The following DPYD variants were observed in gnomAD, a reference collection of about 807,000 sequenced individuals.
DPYD encodes dihydropyrimidine dehydrogenase, also known as dihydropyrimidine dehydrogenase [NADP(+)].
In DPYD, 109 loss-of-function variants were observed where a neutral mutation model predicts 116.2. The ratio of observed to expected loss-of-function variants is 0.94; its 90% CI spans 0.80 to 1.10. The LOEUF is 1.10. Among genes scored for constraint, DPYD ranks in the 50% least tolerant of loss-of-function variants. DPYD has a pLI of 0.00. For missense variants in DPYD, 1,302 were observed against 1,254.5 expected (o/e 1.04, Z -0.57); for synonymous variants, 440 against 432.0 (o/e 1.02, Z -0.23).
intron 20 of DPYD, among the ~76,000 whole-genome samples, chr1:97,152,012 C>T (rs531170631): frequency 2.4e-4 from 37 of 152,236 alleles, no homozygotes; most frequent in African/African-American, 8.7e-4. Context: ...ATTAACATTA[C>T]AGTTATTTAA....
chr1:97,572,490 G>A (rs1489426053), intron 11 of DPYD, among the ~76,000 whole-genome samples: 1 of 151,788 alleles, frequency 6.6e-6, no homozygotes, highest in East Asian at 1.9e-4. Context: ...TTTTTGGATA[G>A]GCAAATAATC....
chr1:97,115,567 T>C (rs967242081), intron 20 of DPYD, among the ~76,000 whole-genome samples: 2 of 152,200 alleles, frequency 1.3e-5, no homozygotes, highest in Admixed American at 1.3e-4. Flanking sequence ...TTTATTATAC[T>C]TATGTATTTT....
At chr1:97,324,006 C>T (rs1668576929) in intron 16 of DPYD, among the ~76,000 whole-genome samples, 1 of 151,922 alleles carries the variant, frequency 6.6e-6, no homozygotes, top group South Asian at 2.1e-4. Context: ...ACCTCACAAT[C>T]AGAAAAGTGG....
At chr1:97,529,681 TTCTTTTC>T (rs1485102689) in intron 12 of DPYD, among the ~76,000 whole-genome samples, 56 of 126,940 alleles carry the variant, frequency 4.4e-4, no homozygotes, top group Non-Finnish European at 3.6e-5. Context: ...TCTTTCTCTT[TTCTTTTC>T]TTTCTTTCCT....
At chr1:97,340,185 G>A (rs1669520824) in intron 16 of DPYD, among the ~76,000 whole-genome samples, 1 of 151,830 alleles carries the variant, frequency 6.6e-6, no homozygotes, top group South Asian at 2.1e-4. Flanking sequence ...TATGTTAATG[G>A]AATGAATTAT....
intron 8 of DPYD, among the ~76,000 whole-genome samples, chr1:97,636,804 C>T (rs938632331): frequency 2.6e-5 from 4 of 152,044 alleles, no homozygotes; most frequent in African/African-American, 9.7e-5. Context: ...ATTATCTTAA[C>T]ACTAGAAATG....
At chr1:97,527,794 G>GA (rs35111926) in intron 12 of DPYD, among the ~76,000 whole-genome samples, 3,212 of 112,718 alleles carry the variant, frequency 0.028, 74 homozygotes, top group South Asian at 0.044. Flanking sequence ...ATGAAATTTG[G>GA]AAAAAAAAAA....
intron 19 of DPYD, among the ~76,000 whole-genome samples, chr1:97,206,781 T>G (rs1659665316): frequency 6.7e-6 from 1 of 149,416 alleles, no homozygotes; most frequent in Admixed American, 6.7e-5. Context: ...GTTTTTAGGT[T>G]TATGCATACA....
chr1:97,594,649 A>C (rs3790384), intron 9 of DPYD, among the ~76,000 whole-genome samples: 45,256 of 151,922 alleles, frequency 0.3, 7,818 homozygotes, highest in East Asian at 0.62. Flanking sequence ...CTATCAAAGT[A>C]TTTTATTTTA....
intron 13 of DPYD, among the ~76,000 whole-genome samples, chr1:97,489,043 C>T (rs779749469): frequency 5.9e-5 from 9 of 152,306 alleles, no homozygotes; most frequent in African/African-American, 1.2e-4. Flanking sequence ...AGAACCCTCC[C>T]GGGCTGAGCC....
At chr1:97,738,171 G>C (rs770819994) in intron 4 of DPYD, among the ~76,000 whole-genome samples, 4 of 152,128 alleles carry the variant, frequency 2.6e-5, no homozygotes, top group African/African-American at 4.8e-5. Flanking sequence ...TTTATAGACT[G>C]ATCTCATGCA....
rs530585219 is a variant in DPYD at position 97,742,359 on chromosome 1, T to A, written c.234-1880A>T. Among the ~76,000 whole-genome samples, 3 of 152,136 alleles carry A rather than the reference T, an allele frequency of 2.0e-5. No individual in the cohort carries two copies. The South Asian group carries it at 6.2e-4, about 32-fold the overall frequency. Reference sequence around the variant, plus strand: ...GCCTAATTAATATCTTGTTTTTAAATCTGATCTCTTTTCTCTGGTTTGTGC... The same window carrying A: ...GCCTAATTAATATCTTGTTTTTAAAACTGATCTCTTTTCTCTGGTTTGTGC... On this transcript the variant is annotated intron_variant, in intron 3 of 22. Transcript: ENST00000370192.
At chr1:97,488,650 T>C (rs1475091898) in intron 13 of DPYD, among the ~76,000 whole-genome samples, 2 of 152,092 alleles carry the variant, frequency 1.3e-5, no homozygotes, top group Non-Finnish European at 2.9e-5. Flanking sequence ...CCAGACCCAA[T>C]TGAGACCTAG....
At chr1:97,389,401 T>A (rs1672547702) in intron 14 of DPYD, among the ~76,000 whole-genome samples, 1 of 150,698 alleles carries the variant, frequency 6.6e-6, no homozygotes, top group Non-Finnish European at 1.5e-5. Flanking sequence ...AGATATTTAA[T>A]CAGTGTTGAT....
At chr1:97,470,751 A>C (rs974314935) in intron 13 of DPYD, among the ~76,000 whole-genome samples, 1 of 152,132 alleles carries the variant, frequency 6.6e-6, no homozygotes, top group Admixed American at 6.5e-5. Context: ...TAATCCCAAC[A>C]CTTTGGGAGG....
chr1:97,900,960 A>G (rs1448814250), intron 1 of DPYD, among the ~76,000 whole-genome samples: 1 of 151,920 alleles, frequency 6.6e-6, no homozygotes, highest in African/African-American at 2.4e-5. Context: ...ACAATAAGAC[A>G]GTTTAGCAAC....
At chr1:97,163,418 C>A (rs1656074635) in intron 20 of DPYD, among the ~76,000 whole-genome samples, 1 of 152,200 alleles carries the variant, frequency 6.6e-6, no homozygotes, top group Admixed American at 6.6e-5. Context: ...CAAATCAACA[C>A]ATAGTTTCCT....
intron 13 of DPYD, among the ~76,000 whole-genome samples, chr1:97,504,679 C>A (rs948691085): frequency 2.0e-5 from 3 of 151,886 alleles, no homozygotes; most frequent in African/African-American, 7.3e-5. Flanking sequence ...TATAGCTGTA[C>A]AAAATTATAT....
At chr1:97,657,222 G>A (rs1036167693) in intron 8 of DPYD, among the ~76,000 whole-genome samples, 2 of 151,842 alleles carry the variant, frequency 1.3e-5, no homozygotes, top group African/African-American at 4.8e-5. Flanking sequence ...ACCCACCTCG[G>A]CCTCCTAAAG....
Sources: gnomAD v4.1 joint callset for allele counts (sites outside exome capture counted in the v4.1 genomes callset) on GRCh38, gnomAD v4.1.1 for gene constraint, MANE v1.5 for transcripts, NCBI Gene and HGNC (gene_info 2026-07-23, HGNC 2026-07-21) for gene names.